TSHZ3: variants seen among roughly 807,000 people sequenced by gnomAD.
The protein encoded by TSHZ3 is teashirt zinc finger homeobox 3.
Under a neutral mutation model 64.5 loss-of-function variants are expected in TSHZ3, and 10 were observed. That is an observed-to-expected ratio of 0.16 (90% CI 0.10 to 0.26). The LOEUF is 0.26. Ranked by LOEUF, TSHZ3 falls within the 10% of genes least tolerant of loss-of-function variation. TSHZ3 has a pLI of 1.00. For synonymous variants in TSHZ3, 608 were observed against 593.1 expected (o/e 1.03, Z -0.36); for missense variants, 1,242 against 1,421.7 (o/e 0.87, Z 2.03).
chr19:31,347,182 G>C (rs1279135261), intron 1 of TSHZ3, among the ~76,000 whole-genome samples: 1 of 118,240 alleles, frequency 8.5e-6, no homozygotes, highest in African/African-American at 3.0e-5. Flanking sequence ...TTTCCTGGCT[G>C]GCTTTCTTTA....
At chr19:31,331,092 C>T (rs944207411) in intron 1 of TSHZ3, among the ~76,000 whole-genome samples, 2 of 152,130 alleles carry the variant, frequency 1.3e-5, no homozygotes, top group African/African-American at 4.8e-5. Context: ...CCCTCCTTCC[C>T]TCTAAGGACT....
chr19:31,217,069 G>A (rs564511638), intron 4 of TSHZ3, among the ~76,000 whole-genome samples: 1 of 152,242 alleles, frequency 6.6e-6, no homozygotes, highest in East Asian at 1.9e-4. Flanking sequence ...AAAGTGCTGG[G>A]ATTACAGGCA....
chr19:31,226,291 T>C (rs1440579174), intron 4 of TSHZ3, among the ~76,000 whole-genome samples: 4 of 152,136 alleles, frequency 2.6e-5, no homozygotes, highest in Admixed American at 1.3e-4. Flanking sequence ...GTAGCTCCTA[T>C]AATTCCCACG....
At chr19:31,316,503 G>A (rs140049821) in intron 1 of TSHZ3, among the ~76,000 whole-genome samples, 13 of 152,322 alleles carry the variant, frequency 8.5e-5, no homozygotes, top group Non-Finnish European at 1.8e-4. Flanking sequence ...AGATGCTGGC[G>A]TGTTTCAGTG....
chr19:31,298,904 G>A (rs987426824), intron 1 of TSHZ3, among the ~76,000 whole-genome samples: 3 of 152,164 alleles, frequency 2.0e-5, no homozygotes, highest in Admixed American at 6.5e-5. Context: ...CTTTAAAAGC[G>A]TGACACACAG....
intron 5 of TSHZ3, among the ~76,000 whole-genome samples, chr19:31,163,540 T>C (rs1402717400): frequency 6.6e-6 from 1 of 152,116 alleles, no homozygotes; most frequent in Non-Finnish European, 1.5e-5. Context: ...GAGATCAGCC[T>C]GGCCAACACG....
chr19:31,320,946 T>C (rs749538527), intron 1 of TSHZ3, among the ~76,000 whole-genome samples: 7 of 152,188 alleles, frequency 4.6e-5, no homozygotes, highest in African/African-American at 9.6e-5. Context: ...TGCTGAGATG[T>C]TAGCAGGTGT....
chr19:31,302,120 A>G (rs1213099499), intron 1 of TSHZ3, among the ~76,000 whole-genome samples: 2 of 152,188 alleles, frequency 1.3e-5, no homozygotes, highest in Non-Finnish European at 2.9e-5. Context: ...TTAATGTGGC[A>G]AAAGAGAGAG....
chr19:31,274,292 C>T (rs566384513), downstream of TSHZ3, among the ~76,000 whole-genome samples: 3 of 152,140 alleles, frequency 2.0e-5, no homozygotes, highest in South Asian at 4.2e-4. Context: ...ATGTTCCCAG[C>T]GTTTTGTTGG....
At chr19:31,155,611 G>T (rs1299665073) in intron 6 of TSHZ3, among the ~76,000 whole-genome samples, 1 of 152,152 alleles carries the variant, frequency 6.6e-6, no homozygotes, top group Non-Finnish European at 1.5e-5. Flanking sequence ...TTAAATTAGT[G>T]CCCCTTTGTT....
intron 5 of TSHZ3, among the ~76,000 whole-genome samples, chr19:31,191,132 A>G (rs1305685509): frequency 6.6e-6 from 1 of 152,208 alleles, no homozygotes; most frequent in Non-Finnish European, 1.5e-5. Context: ...TTATTTGGAA[A>G]AAAATGACTA....
intron 1 of TSHZ3, among the ~76,000 whole-genome samples, chr19:31,280,570 C>T (rs567194927): frequency 5.1e-4 from 77 of 152,280 alleles, no homozygotes; most frequent in Non-Finnish European, 9.0e-4. Context: ...AATTGGTATG[C>T]GGTGCTCATT....
rs1054891592 is a variant in TSHZ3 at position 31,201,082 on chromosome 19, G to A, written n.809+3874C>T. Among the ~76,000 whole-genome samples the A allele has an allele frequency of 4.6e-5, 7 of 152,248 alleles. No homozygotes were observed. In the East Asian group the frequency reaches 9.7e-4, roughly 21 times the overall value. On this transcript the variant is annotated intron_variant and non_coding_transcript_variant, in intron 5 of 6. Coordinates refer to the TSHZ3 transcript ENST00000651361. ...CAACATTGTGACAGTGTCGTGATAG[G>A]TGCCTATTGAATATTTATGTAATAA...
intron 1 of TSHZ3, among the ~76,000 whole-genome samples, chr19:31,297,705 C>T (rs116830026): frequency 0.012 from 1,772 of 152,220 alleles, 41 homozygotes; most frequent in African/African-American, 0.04. Context: ...TGGCCTTCAA[C>T]TCCTCAGCCC....
chr19:31,337,229 C>A (rs1917275832), intron 1 of TSHZ3, among the ~76,000 whole-genome samples: 1 of 152,012 alleles, frequency 6.6e-6, no homozygotes, highest in South Asian at 2.1e-4. Flanking sequence ...GATGGATGAG[C>A]CCCCAAGATG....
At chr19:31,238,040 T>C (rs1412779027) in intron 3 of TSHZ3, among the ~76,000 whole-genome samples, 1 of 152,208 alleles carries the variant, frequency 6.6e-6, no homozygotes, top group African/African-American at 2.4e-5. Context: ...GACCATTCCA[T>C]GTGCATTTGA....
chr19:31,191,928 T>C (rs1233403313), intron 5 of TSHZ3, among the ~76,000 whole-genome samples: 1 of 152,214 alleles, frequency 6.6e-6, no homozygotes, highest in African/African-American at 2.4e-5. Flanking sequence ...CTTTATAAGA[T>C]ATCTGACTGC....
intron 4 of TSHZ3, among the ~76,000 whole-genome samples, chr19:31,208,410 GC>G (rs1568348373): frequency 1.3e-5 from 2 of 152,138 alleles, no homozygotes; most frequent in Non-Finnish European, 2.9e-5. Flanking sequence ...TTTATCACAC[GC>G]CTGTCTGTTG....
At chr19:31,258,310 G>T (rs1406987742) in intron 1 of TSHZ3, among the ~76,000 whole-genome samples, 1 of 152,150 alleles carries the variant, frequency 6.6e-6, no homozygotes, top group Non-Finnish European at 1.5e-5. Flanking sequence ...ACACAGGAAC[G>T]CAGATTCCAG....
Sources: gnomAD v4.1 joint callset for allele counts (sites outside exome capture counted in the v4.1 genomes callset) on GRCh38, gnomAD v4.1.1 for gene constraint, MANE v1.5 for transcripts, NCBI Gene and HGNC (gene_info 2026-07-23, HGNC 2026-07-21) for gene names.